ADAMTSL3: variants seen among roughly 807,000 people sequenced by gnomAD.
The protein encoded by ADAMTSL3 is ADAMTS-like protein 3.
A neutral mutation model predicts 201.7 loss-of-function variants in ADAMTSL3; 128 were observed. The observed-to-expected ratio is 0.63, with a 90% CI of 0.55 to 0.73. The LOEUF is 0.73. Ranked by LOEUF, ADAMTSL3 falls within the 30% of genes least tolerant of loss-of-function variation. The pLI is 0.00. For synonymous variants in ADAMTSL3, 738 were observed against 748.4 expected, an observed-to-expected ratio of 0.99 and a Z score of 0.23; for missense variants, 1,990 against 2,119.6, an observed-to-expected ratio of 0.94 and a Z score of 1.20.
intron 2 of ADAMTSL3, among the ~76,000 whole-genome samples, chr15:83,677,547 A>G (rs1033349282): frequency 6.6e-6 from 1 of 151,978 alleles, no homozygotes; most frequent in Non-Finnish European, 1.5e-5. Context: ...TCTGAGGTTT[A>G]CTTTATCTAA....
At chr15:83,678,920 T>TTA (rs1215140115) in intron 2 of ADAMTSL3, among the ~76,000 whole-genome samples, 1 of 147,804 alleles carries the variant, frequency 6.8e-6, no homozygotes, top group Admixed American at 6.8e-5. Context: ...AATATATATT[T>TTA]TATATATATA....
chr15:84,037,975 A>G lies in ADAMTSL3; in HGVS notation c.*169A>G. On this transcript the variant is annotated 3_prime_UTR_variant, in exon 30 of 30. Coordinates refer to ENST00000286744, the MANE Select transcript of ADAMTSL3 (RefSeq NM_207517.3). ...GTTAAGGTGTAAAGTGAAATTTTCC[A>G]ATGGTAGTTTTATATTCCAATTTTT... 9.2e-7 allele frequency: 1 copy of G among 1,081,644 alleles called. No individual in the cohort carries two copies. Among genetic ancestry groups the G allele is most frequent in the South Asian group, 2.1e-5 (1 of 47,306 alleles). 67.0% of individuals were successfully genotyped at this position (1,081,644 alleles called of 1,614,324 possible). A position where few individuals can be genotyped will look rare whatever the true frequency, so the allele number is the denominator to read the frequency against.
chr15:83,953,246 AT>A (rs1288610266), intron 19 of ADAMTSL3, among the ~76,000 whole-genome samples: 22 of 150,578 alleles, frequency 1.5e-4, no homozygotes, highest in Non-Finnish European at 2.7e-4. Flanking sequence ...AGTACAGGTG[AT>A]TTTTTTCTGG....
intron 2 of ADAMTSL3, among the ~76,000 whole-genome samples, chr15:83,668,944 T>C (rs2585039): frequency 0.2 from 30,947 of 152,218 alleles, 4,107 homozygotes; most frequent in Admixed American, 0.34. Flanking sequence ...TTTAAGCTTC[T>C]GCTTATGTCA....
chr15:83,875,827 A>T (rs192560728), intron 9 of ADAMTSL3, among the ~76,000 whole-genome samples: 1 of 152,078 alleles, frequency 6.6e-6, no homozygotes, highest in Non-Finnish European at 1.5e-5. Flanking sequence ...AACAATCAGG[A>T]TGTATGTGTA....
rs779009026 is a variant in ADAMTSL3 at position 83,982,240 on chromosome 15, ATTTTCTTTTCTTTCTT to A, written c.2645-28_2645-13del. 3 of 1,519,750 alleles carry A rather than the reference ATTTTCTTTTCTTTCTT, an allele frequency of 2.0e-6. No individual in the cohort carries two copies. Among genetic ancestry groups the A allele is most frequent in the Non-Finnish European group, 2.7e-6 (3 of 1,125,560 alleles). The allele number at this position is 1,519,750 out of a possible 1,614,324, so 94.1% of individuals were successfully genotyped here. On this transcript the variant is annotated splice_polypyrimidine_tract_variant and intron_variant, in intron 20 of 29. Transcript: ENST00000286744. The stretch of plus-strand genomic sequence containing the variant: ...CTGTATTTTTGAGATGTTTATTCGT[ATTTTCTTTTCTTTCTT>A]TTTTTTTTTCTTGGAGAAATCAAAT...
Position 83,838,155 on chromosome 15 carries a change from G to A in ADAMTSL3, c.667G>A (p.Asp223Asn), listed in dbSNP as rs745534521. The change falls in exon 7 of 30, where the codon GAT (aspartate) becomes AAT (asparagine). Residue 223 changes from aspartate (D) to asparagine (N), a missense_variant. Asp to Asn is a conservative substitution (Grantham distance 23). Coordinates refer to ENST00000286744, the MANE Select transcript of ADAMTSL3 (RefSeq NM_207517.3). The part of the protein sequence containing the change: ...KEDNCGVCAG[D>N]GSTCRLVRGQ... ...GGACAACTGTGGAGTCTGTGCCGGC[G>A]ATGGCTCCACCTGCAGGCTTGTACG... The A allele has an allele frequency of 1.2e-5, 19 of 1,613,008 alleles. No homozygotes were observed. The Admixed American group carries it at 1.8e-4, about 16-fold the overall frequency.
intron 9 of ADAMTSL3, among the ~76,000 whole-genome samples, chr15:83,883,550 G>T (rs1489568128): frequency 2.0e-5 from 3 of 148,526 alleles, no homozygotes; most frequent in African/African-American, 7.5e-5. Flanking sequence ...ATTTTTTAGA[G>T]ATTTTTCTTT....
At chr15:83,759,025 G>A (rs1042897228) in intron 3 of ADAMTSL3, among the ~76,000 whole-genome samples, 3 of 152,144 alleles carry the variant, frequency 2.0e-5, no homozygotes, top group African/African-American at 7.2e-5. Context: ...AGATGTTGCT[G>A]TGGAGAAGGC....
At chr15:84,012,692 T>C (rs1472151622) in intron 23 of ADAMTSL3, among the ~76,000 whole-genome samples, 1 of 152,226 alleles carries the variant, frequency 6.6e-6, no homozygotes, top group Non-Finnish European at 1.5e-5. Context: ...AGTGCCTAGA[T>C]TGACATTTGA....
At chr15:83,907,477 C>T (rs529415648) in intron 15 of ADAMTSL3, among the ~76,000 whole-genome samples, 19 of 152,300 alleles carry the variant, frequency 1.2e-4, no homozygotes, top group African/African-American at 4.1e-4. Flanking sequence ...GATCTCAGCT[C>T]ACTTCAACAC....
rs1237567395 is a variant in ADAMTSL3 at position 83,838,173 on chromosome 15, C to G, written c.685C>G (p.Leu229Val). ...VCAGDGSTCRLVRGQSKSHVS... is the reference protein window; with the variant it reads ...VCAGDGSTCRVVRGQSKSHVS... Reference sequence around the variant, plus strand: ...TGCCGGCGATGGCTCCACCTGCAGGCTTGTACGGGGACAATCAAAGTCACA... The same window carrying G: ...TGCCGGCGATGGCTCCACCTGCAGGGTTGTACGGGGACAATCAAAGTCACA... The change falls in exon 7 of 30, where the codon CTT becomes GTT. Residue 229 changes from leucine to valine, a missense_variant. By Grantham distance (32) the Leu-to-Val change is conservative. Coordinates refer to ENST00000286744, the MANE Select transcript of ADAMTSL3 (RefSeq NM_207517.3). The G allele has an allele frequency of 6.2e-7, 1 of 1,613,224 alleles. No homozygotes were observed.
intron 7 of ADAMTSL3, among the ~76,000 whole-genome samples, chr15:83,839,985 T>TTTA: frequency 6.6e-6 from 1 of 152,216 alleles, no homozygotes; most frequent in South Asian, 2.1e-4. Context: ...AGGGTTTATC[T>TTTA]GAAACATGCT....
intron 12 of ADAMTSL3, 48 bp from the exon 13 acceptor site, chr15:83,892,636 C>T (rs996960375): frequency 4.5e-6 from 7 of 1,546,084 alleles, no homozygotes; most frequent in Non-Finnish European, 6.1e-6. Flanking sequence ...TTGCAAACTT[C>T]AAACAAACAA....
chr15:83,913,515 T>A (rs1293366656), intron 16 of ADAMTSL3, 137 bp downstream of exon 16: 1 of 932,532 alleles, frequency 1.1e-6, no homozygotes, highest in Non-Finnish European at 1.6e-6. Flanking sequence ...CTGAAAATGA[T>A]ACTTTTTCTT....
intron 17 of ADAMTSL3, among the ~76,000 whole-genome samples, chr15:83,935,043 A>C (rs528570173): frequency 6.6e-6 from 1 of 152,210 alleles, no homozygotes; most frequent in African/African-American, 2.4e-5. Context: ...AGACTCAGAC[A>C]GGTGGGAAGA....
intron 8 of ADAMTSL3, among the ~76,000 whole-genome samples, chr15:83,870,012 A>T (rs2065052397): frequency 6.6e-6 from 1 of 152,218 alleles, no homozygotes; most frequent in Non-Finnish European, 1.5e-5. Context: ...AAAGAAAAGA[A>T]AGAGGGAGGA....
intron 3 of ADAMTSL3, among the ~76,000 whole-genome samples, chr15:83,746,235 G>A (rs1051058595): frequency 6.6e-6 from 1 of 151,470 alleles, no homozygotes; most frequent in African/African-American, 2.4e-5. Flanking sequence ...CAGAAGCACC[G>A]ACAGAAAATG....
chr15:84,025,597 G>T lies in ADAMTSL3; in HGVS notation c.4656+161G>T, dbSNP rs905915063. ...TCTTTGACCTCAAGGTTTACATTTA[G>T]AAATCATAGTATCTCTGTCTTCCAG... On this transcript the variant is annotated intron_variant, in intron 27 of 29. Coordinates refer to ENST00000286744, the MANE Select transcript of ADAMTSL3 (RefSeq NM_207517.3). The T allele has an allele frequency of 1.2e-5, 8 of 694,592 alleles. No individual in the cohort carries two copies. The African/African-American group carries it at 1.3e-4, about 11-fold the overall frequency. 43.0% of individuals were successfully genotyped at this position (694,592 alleles called of 1,614,324 possible).
Sources: allele counts gnomAD v4.1 joint callset (sites outside exome capture counted in the v4.1 genomes callset), GRCh38; gene constraint gnomAD v4.1.1; transcripts MANE v1.5; gene names NCBI Gene and HGNC (gene_info 2026-07-23, HGNC 2026-07-21).